The following PTK2 variants were observed in gnomAD, a reference collection of about 807,000 sequenced individuals.
PTK2 encodes the protein focal adhesion kinase 1.
PTK2 carries 45 observed loss-of-function variants against 150.1 expected under a neutral mutation model. That is an observed-to-expected ratio of 0.30 (90% CI 0.24 to 0.38). PTK2 has a LOEUF of 0.38. PTK2 is among the 10% of genes least tolerant of loss of function. The pLI is 1.00. For missense variants in PTK2, 919 were observed against 1,307.3 expected (o/e 0.70, Z 4.58); for synonymous variants, 432 against 449.2 (o/e 0.96, Z 0.48).
intron 1 of PTK2, among the ~76,000 whole-genome samples, chr8:140,954,295 C>G (rs969107300): frequency 4.6e-5 from 7 of 152,130 alleles, no homozygotes; most frequent in Admixed American, 2.0e-4. Flanking sequence ...GTCTCAAACT[C>G]CTGAACTCAA....
chr8:140,840,665 TAAG>T (rs1051372712), intron 7 of PTK2, among the ~76,000 whole-genome samples: 8 of 152,202 alleles, frequency 5.3e-5, no homozygotes, highest in African/African-American at 1.9e-4. Context: ...AAATGTGGAA[TAAG>T]AATACCAACT....
intron 3 of PTK2, among the ~76,000 whole-genome samples, chr8:140,890,000 T>C (rs2100153684): frequency 1.3e-5 from 2 of 152,208 alleles, no homozygotes; most frequent in Non-Finnish European, 2.9e-5. Context: ...CGTGAAGCAC[T>C]TCTACACTGT....
chr8:140,854,297 A>G (rs750387664), intron 5 of PTK2, among the ~76,000 whole-genome samples: 5 of 152,258 alleles, frequency 3.3e-5, no homozygotes, highest in Non-Finnish European at 7.3e-5. Flanking sequence ...ACATTTCAAC[A>G]GTGCTAAAAG....
chr8:140,953,690 A>C (rs779299408), intron 1 of PTK2, among the ~76,000 whole-genome samples: 3 of 152,172 alleles, frequency 2.0e-5, no homozygotes, highest in Non-Finnish European at 4.4e-5. Flanking sequence ...ACAAAAAGCA[A>C]AACCACAGAC....
At chr8:140,704,207 T>C (rs2100032380) in intron 24 of PTK2, among the ~76,000 whole-genome samples, 1 of 152,204 alleles carries the variant, frequency 6.6e-6, no homozygotes, top group South Asian at 2.1e-4. Context: ...TTCTACATAA[T>C]AGTAACCATG....
intron 2 of PTK2, among the ~76,000 whole-genome samples, chr8:140,891,929 G>A (rs1458096222): frequency 6.6e-6 from 1 of 152,214 alleles, no homozygotes; most frequent in Non-Finnish European, 1.5e-5. Context: ...TGGCAGGCCA[G>A]GTATGGCTGC....
At chr8:140,760,784 A>C (rs1369540242) in intron 16 of PTK2, among the ~76,000 whole-genome samples, 1 of 152,192 alleles carries the variant, frequency 6.6e-6, no homozygotes, top group African/African-American at 2.4e-5. Flanking sequence ...AAATTTATTC[A>C]TCTTTTTTGG....
intron 1 of PTK2, among the ~76,000 whole-genome samples, chr8:140,992,616 T>C (rs753818969): frequency 1.3e-5 from 2 of 152,182 alleles, no homozygotes; most frequent in Non-Finnish European, 2.9e-5. Context: ...TGAAAACCAC[T>C]GAAAGCCCCT....
At chr8:140,973,421 G>A (rs979964484) in intron 1 of PTK2, among the ~76,000 whole-genome samples, 2 of 151,772 alleles carry the variant, frequency 1.3e-5, no homozygotes, top group Non-Finnish European at 2.9e-5. Flanking sequence ...TAAAAGCTTT[G>A]GATCCTAAAT....
At chr8:140,879,520 A>G in exon 4 of PTK2, 1 of 1,613,874 alleles carries the variant, frequency 6.2e-7, no homozygotes, top group Non-Finnish European at 8.5e-7. Context: ...CTCACACTGG[A>G]GACGCCCATA....
Position 140,820,087 on chromosome 8 carries a change from T to G in PTK2, c.649-1067A>C, listed in dbSNP as rs1030841274. 2.8e-4 allele frequency among the ~76,000 whole-genome samples: 15 copies of G among 53,394 alleles called. No individual in the cohort carries two copies. In the East Asian group the frequency reaches 3.6e-3, roughly 13 times the overall value. The allele number at this position is 53,394 out of a possible 152,430, so 35.0% of individuals were successfully genotyped here. A position where few individuals can be genotyped will look rare whatever the true frequency, so the allele number is the denominator to read the frequency against. On this transcript the variant is annotated intron_variant, in intron 8 of 31. Transcript: ENST00000522684. ...TTTATCTGACTTTGGTTTTTTTTTTTTTTTTTTTTTTTTTTTTTTTTTTTT... is the reference window on the plus strand; with the variant it reads ...TTTATCTGACTTTGGTTTTTTTTTTGTTTTTTTTTTTTTTTTTTTTTTTTT...
intron 30 of PTK2, among the ~76,000 whole-genome samples, chr8:140,666,813 A>G (rs1265227026): frequency 6.6e-6 from 1 of 152,240 alleles, no homozygotes; most frequent in African/African-American, 2.4e-5. Context: ...AGATATTTGT[A>G]TATCCATGTT....
intron 28 of PTK2, among the ~76,000 whole-genome samples, chr8:140,674,865 G>A (rs2100012674): frequency 6.7e-6 from 1 of 148,428 alleles, no homozygotes; most frequent in Non-Finnish European, 1.5e-5. Flanking sequence ...TGGGCAACAC[G>A]ATGAAACCCC....
chr8:140,791,208 C>G (rs907810914), intron 13 of PTK2, among the ~76,000 whole-genome samples: 21 of 152,062 alleles, frequency 1.4e-4, no homozygotes, highest in African/African-American at 3.4e-4. Context: ...TGGAGTCTCA[C>G]GAAGTCACCC....
intron 10 of PTK2, among the ~76,000 whole-genome samples, chr8:140,809,985 T>A (rs1252682632): frequency 6.6e-6 from 1 of 151,964 alleles, no homozygotes; most frequent in Non-Finnish European, 1.5e-5. Flanking sequence ...TGAGAATGGA[T>A]GAAGGAAAGA....
chr8:140,808,973 T>G (rs2100099825), intron 10 of PTK2, among the ~76,000 whole-genome samples: 1 of 152,132 alleles, frequency 6.6e-6, no homozygotes, highest in African/African-American at 2.4e-5. Context: ...CCTCAGGTGA[T>G]CCACCTGCCT....
At chr8:140,964,534 C>G (rs1027048800) in intron 1 of PTK2, among the ~76,000 whole-genome samples, 4 of 151,248 alleles carry the variant, frequency 2.6e-5, no homozygotes, top group Non-Finnish European at 5.9e-5. Context: ...GGCACCACCC[C>G]CAGCCCCAGG....
intron 12 of PTK2, among the ~76,000 whole-genome samples, chr8:140,800,008 T>C (rs184655424): frequency 6.6e-6 from 1 of 152,316 alleles, no homozygotes; most frequent in East Asian, 1.9e-4. Context: ...TAATCTTTGA[T>C]TTTTTAACAT....
chr8:140,682,318 G>T (rs1011831759), intron 27 of PTK2, among the ~76,000 whole-genome samples: 2 of 152,138 alleles, frequency 1.3e-5, no homozygotes, highest in Non-Finnish European at 1.5e-5. Flanking sequence ...GGAGGCGGAG[G>T]TTATCACGCC....
Sources: gnomAD v4.1 joint callset for allele counts (sites outside exome capture counted in the v4.1 genomes callset) on GRCh38, gnomAD v4.1.1 for gene constraint, MANE v1.5 for transcripts, NCBI Gene and HGNC (gene_info 2026-07-23, HGNC 2026-07-21) for gene names.